SLIT1: variants seen among roughly 807,000 people sequenced by gnomAD.
SLIT1 encodes slit guidance ligand 1, also known as slit homolog 1 protein.
SLIT1 carries 66 observed loss-of-function variants against 186.1 expected under a neutral mutation model. The ratio of observed to expected loss-of-function variants is 0.35; its 90% CI spans 0.29 to 0.44. The LOEUF (loss-of-function observed/expected upper bound fraction) is 0.44. Among genes scored for constraint, SLIT1 ranks in the 20% least tolerant of loss-of-function variants. SLIT1 has a pLI of 1.00. For missense variants in SLIT1, 1,638 were observed against 2,037.4 expected (o/e 0.80, Z 3.77); for synonymous variants, 761 against 833.8 (o/e 0.91, Z 1.50).
At chr10:97,007,916 A>G (rs1848373909) in intron 31 of SLIT1, among the ~76,000 whole-genome samples, 1 of 148,648 alleles carries the variant, frequency 6.7e-6, no homozygotes, top group Non-Finnish European at 1.5e-5. Flanking sequence ...TTTCTATTCA[A>G]TATTTTACTG....
chr10:97,179,756 G>A (rs1312499141), intron 1 of SLIT1, among the ~76,000 whole-genome samples: 2 of 152,068 alleles, frequency 1.3e-5, no homozygotes, highest in East Asian at 3.9e-4. Flanking sequence ...GGAGAGGAGG[G>A]GGTCATGAGC....
chr10:97,087,961 C>A (rs993283691), intron 4 of SLIT1, among the ~76,000 whole-genome samples: 1 of 152,120 alleles, frequency 6.6e-6, no homozygotes, highest in African/African-American at 2.4e-5. Flanking sequence ...TCGCACCCAG[C>A]CCCCGAGACC....
intron 21 of SLIT1, among the ~76,000 whole-genome samples, chr10:97,038,859 A>G (rs1848665251): frequency 6.6e-6 from 1 of 152,204 alleles, no homozygotes; most frequent in Admixed American, 6.5e-5. Context: ...CATTTCACAG[A>G]TGACAAAACT....
intron 4 of SLIT1, among the ~76,000 whole-genome samples, chr10:97,078,789 G>A (rs866318341): frequency 2.6e-5 from 4 of 152,370 alleles, no homozygotes; most frequent in East Asian, 1.9e-4. Flanking sequence ...ACACCAGGGC[G>A]AGGCCTCCGG....
chr10:97,055,302 A>G (rs1848826702), intron 13 of SLIT1, among the ~76,000 whole-genome samples: 1 of 152,232 alleles, frequency 6.6e-6, no homozygotes, highest in Admixed American at 6.5e-5. Flanking sequence ...CAATGATATT[A>G]AGGAATTAAT....
intron 18 of SLIT1, among the ~76,000 whole-genome samples, chr10:97,045,717 A>T (rs1346180350): frequency 6.6e-6 from 1 of 152,248 alleles, no homozygotes; most frequent in Non-Finnish European, 1.5e-5. Flanking sequence ...TGAAAACAGC[A>T]AGCTGCAAAA....
At chr10:97,073,879 C>G (rs914295197) in intron 4 of SLIT1, among the ~76,000 whole-genome samples, 1 of 152,144 alleles carries the variant, frequency 6.6e-6, no homozygotes, top group Non-Finnish European at 1.5e-5. Context: ...ACTCCCTCAC[C>G]TCTGCTGACA....
intron 20 of SLIT1, 149 bp downstream of exon 20, chr10:97,042,752 A>G (rs1338044488): frequency 1.3e-6 from 1 of 771,176 alleles, no homozygotes; most frequent in Non-Finnish European, 2.0e-6. Context: ...TCTCCTCCTG[A>G]AAACAGGGCC....
At chr10:97,083,215 A>T (rs190943059) in intron 4 of SLIT1, among the ~76,000 whole-genome samples, 5 of 152,320 alleles carry the variant, frequency 3.3e-5, no homozygotes, top group Admixed American at 3.3e-4. Flanking sequence ...GATTACAGGC[A>T]TGAGATACTG....
At chr10:97,012,783 A>G (rs1402900476) in intron 30 of SLIT1, among the ~76,000 whole-genome samples, 1 of 152,170 alleles carries the variant, frequency 6.6e-6, no homozygotes, top group Non-Finnish European at 1.5e-5. Flanking sequence ...AGGCTGCTCC[A>G]GCTAGACAGG....
chr10:97,047,885 A>T lies in SLIT1; in HGVS notation c.1490-51T>A. 4 of 1,613,342 alleles carry T rather than the reference A, an allele frequency of 2.5e-6. No individual in the cohort carries two copies. The South Asian group carries it at 3.3e-5, about 13-fold the overall frequency. On this transcript the variant is annotated intron_variant, in intron 15 of 36. Coordinates refer to ENST00000266058, the MANE Select transcript of SLIT1 (RefSeq NM_003061.3). The stretch of plus-strand genomic sequence containing the variant: ...GCTGAGGAGCCCGGGGCCGGCTCCC[A>T]GCAGTTTGGGTCAACCAAGGCCCCC...
intron 7 of SLIT1, 110 bp downstream of exon 7, chr10:97,064,058 G>A: frequency 2.2e-6 from 2 of 899,088 alleles, no homozygotes; most frequent in East Asian, 2.6e-5. Context: ...GGGGTCTGAG[G>A]GAGAATGAGC....
intron 5 of SLIT1, among the ~76,000 whole-genome samples, chr10:97,065,236 A>G (rs1015730208): frequency 6.6e-6 from 1 of 152,188 alleles, no homozygotes; most frequent in African/African-American, 2.4e-5. Context: ...AGTGACATCC[A>G]GAGCTGGCAA....
rs763071131 is a variant in SLIT1, at chr10:97,065,971, C to T, written c.485+44G>A. The stretch of plus-strand genomic sequence containing the variant: ...ACCCTGAGGATGCTGCCAGGAGTGG[C>T]CCTGGAGCCCCCACACCCTTCTCCC... On this transcript the variant is annotated intron_variant, in intron 5 of 36. Transcript: ENST00000266058. The T allele has an allele frequency of 5.0e-6, 7 of 1,410,298 alleles. No homozygotes were observed. In the South Asian group the frequency reaches 6.0e-5, roughly 12 times the overall value. 87.4% of individuals were successfully genotyped at this position (1,410,298 alleles called of 1,614,324 possible).
chr10:97,089,029 C>T (rs755155616), intron 4 of SLIT1, among the ~76,000 whole-genome samples: 4 of 152,114 alleles, frequency 2.6e-5, no homozygotes, highest in African/African-American at 7.2e-5. Context: ...CTGGGCAGCA[C>T]CCTGCAAGGA....
At chr10:97,037,048 TTGTGTGTGTGTGTGTGTGTG>T (rs59578209) in intron 22 of SLIT1, among the ~76,000 whole-genome samples, 3 of 116,878 alleles carry the variant, frequency 2.6e-5, no homozygotes, top group South Asian at 3.1e-4. Context: ...ATAACCCCCT[TTGTGTGTGTGTGTGTGTGTG>T]TGTGTGTGTG....
At chr10:97,137,381 C>T (rs1318403399) in intron 4 of SLIT1, among the ~76,000 whole-genome samples, 1 of 152,098 alleles carries the variant, frequency 6.6e-6, no homozygotes, top group Non-Finnish European at 1.5e-5. Context: ...ATCAGAAAAC[C>T]ACATCTGGAA....
At chr10:97,048,741 C>T (rs1014020101) in intron 14 of SLIT1, among the ~76,000 whole-genome samples, 12 of 151,000 alleles carry the variant, frequency 7.9e-5, no homozygotes, top group South Asian at 2.1e-4. Context: ...GCAGGCAGGC[C>T]GGCAGGGAGG....
chr10:97,000,822 T>G lies in SLIT1; in HGVS notation c.*290A>C, dbSNP rs554519915. On this transcript the variant is annotated 3_prime_UTR_variant, in exon 37 of 37. Transcript: ENST00000266058. The stretch of plus-strand genomic sequence containing the variant: ...TGTCATCGTTCTGCACTTCTTGGCC[T>G]GACCTCACGCACACATTCACTCAAC... 7.2e-6 allele frequency: 3 copies of G among 416,094 alleles called. No homozygotes were observed. Among genetic ancestry groups the G allele is most frequent in the Non-Finnish European group, 1.3e-5 (3 of 228,424 alleles). 25.8% of individuals were successfully genotyped at this position (416,094 alleles called of 1,614,324 possible). A position where few individuals can be genotyped will look rare whatever the true frequency, so the allele number is the denominator to read the frequency against.
Sources: gnomAD v4.1 joint callset for allele counts (sites outside exome capture counted in the v4.1 genomes callset) on GRCh38, gnomAD v4.1.1 for gene constraint, MANE v1.5 for transcripts, NCBI Gene and HGNC (gene_info 2026-07-23, HGNC 2026-07-21) for gene names.